Variants in PIK3C2G observed in about 807,000 individuals in gnomAD.
PIK3C2G encodes phosphatidylinositol 3-kinase C2 domain-containing subunit gamma.
PIK3C2G carries 168 observed loss-of-function variants against 181.1 expected under a neutral mutation model. That is an observed-to-expected ratio of 0.93 (90% confidence interval 0.82 to 1.05). The LOEUF (loss-of-function observed/expected upper bound fraction) is 1.05, where lower values mean the gene tolerates loss of function less well. PIK3C2G is among the 50% of genes least tolerant of loss of function. The pLI is 0.00. For synonymous variants in PIK3C2G, 573 were observed against 592.2 expected (o/e 0.97, Z 0.47); for missense variants, 1,869 against 1,732.8 (o/e 1.08, Z -1.40).
chr12:18,509,961 T>A (rs1730132215), intron 24 of PIK3C2G, among the ~76,000 whole-genome samples: 1 of 152,154 alleles, frequency 6.6e-6, no homozygotes, highest in South Asian at 2.1e-4. Flanking sequence ...TTTGAACTAT[T>A]GCCTAATTAT....
intron 13 of PIK3C2G, among the ~76,000 whole-genome samples, chr12:18,381,493 T>A (rs1942830454): frequency 6.6e-6 from 1 of 152,134 alleles, no homozygotes; most frequent in Non-Finnish European, 1.5e-5. Context: ...TAAAAATAAA[T>A]GCTACCCATT....
chr12:18,480,599 A>C (rs1393731788), intron 18 of PIK3C2G, among the ~76,000 whole-genome samples: 1 of 152,118 alleles, frequency 6.6e-6, no homozygotes, highest in African/African-American at 2.4e-5. Context: ...GGGGCAGAAG[A>C]AGCTTTCTGT....
intron 8 of PIK3C2G, among the ~76,000 whole-genome samples, chr12:18,335,398 AC>A (rs1317954451): frequency 2.2e-4 from 33 of 152,152 alleles, no homozygotes; most frequent in African/African-American, 7.7e-4. Flanking sequence ...AATGTCTGCA[AC>A]CCTGAGATTT....
chr12:18,278,605 C>T (rs1565545988), intron 1 of PIK3C2G, among the ~76,000 whole-genome samples: 2 of 152,120 alleles, frequency 1.3e-5, no homozygotes, highest in African/African-American at 4.8e-5. Context: ...TATAGTTCTG[C>T]AGTCTTAGTT....
At chr12:18,606,124 C>T (rs138522329) in intron 30 of PIK3C2G, among the ~76,000 whole-genome samples, 12 of 152,198 alleles carry the variant, frequency 7.9e-5, no homozygotes, top group African/African-American at 1.4e-4. Flanking sequence ...TTCTGAACTC[C>T]GGCATGTTTT....
At chr12:18,286,605 A>G (rs1334594773) in intron 2 of PIK3C2G, among the ~76,000 whole-genome samples, 5 of 152,128 alleles carry the variant, frequency 3.3e-5, no homozygotes, top group Non-Finnish European at 7.4e-5. Flanking sequence ...TCTAAAATGA[A>G]AGAAATGTTC....
chr12:18,309,161 A>G (rs1950540565), intron 5 of PIK3C2G, among the ~76,000 whole-genome samples: 1 of 151,760 alleles, frequency 6.6e-6, no homozygotes. Flanking sequence ...TTTTCACACT[A>G]GGCTATTTAG....
intron 31 of PIK3C2G, among the ~76,000 whole-genome samples, chr12:18,613,131 A>T (rs902533547): frequency 3.9e-5 from 6 of 152,074 alleles, no homozygotes; most frequent in African/African-American, 1.2e-4. Flanking sequence ...GCTCTCTTTC[A>T]TTGATGTCTA....
the PIK3C2G span, among the ~76,000 whole-genome samples, chr12:18,709,914 T>C: frequency 6.6e-6 from 1 of 152,102 alleles, no homozygotes; most frequent in African/African-American, 2.4e-5. Flanking sequence ...GTCATTTTTA[T>C]ACTATTGTAA....
At chr12:18,700,510 T>TCCAA in the PIK3C2G span, among the ~76,000 whole-genome samples, 1 of 2,808 alleles carries the variant, frequency 3.6e-4, no homozygotes, top group African/African-American at 7.3e-4. Context: ...AGAGCCAACG[T>TCCAA]ACAAAAAAAA....
At chr12:18,471,522 T>C (rs998488059) in intron 18 of PIK3C2G, among the ~76,000 whole-genome samples, 22 of 152,164 alleles carry the variant, frequency 1.4e-4, no homozygotes, top group African/African-American at 5.1e-4. Flanking sequence ...GAATAATTCT[T>C]GCTTGTTCTC....
intron 25 of PIK3C2G, among the ~76,000 whole-genome samples, chr12:18,542,725 T>C (rs1948480211): frequency 6.7e-6 from 1 of 149,722 alleles, no homozygotes; most frequent in Admixed American, 6.6e-5. Flanking sequence ...CATGTTCCAG[T>C]AAAAGACATG....
intron 15 of PIK3C2G, among the ~76,000 whole-genome samples, chr12:18,392,976 T>C (rs11044069): frequency 0.13 from 19,491 of 152,120 alleles, 1,283 homozygotes; most frequent in African/African-American, 0.16. Flanking sequence ...AGATGAAGCA[T>C]CTTTTTCTGT....
intron 1 of PIK3C2G, among the ~76,000 whole-genome samples, chr12:18,277,187 A>G (rs929649901): frequency 1.5e-4 from 23 of 152,182 alleles, no homozygotes; most frequent in Admixed American, 2.0e-4. Flanking sequence ...TCTAGTTATT[A>G]TCTTCTCTGA....
the PIK3C2G span, among the ~76,000 whole-genome samples, chr12:18,725,959 C>T: frequency 1.3e-5 from 2 of 151,990 alleles, no homozygotes; most frequent in Non-Finnish European, 2.9e-5. Flanking sequence ...TCTTACAGGC[C>T]TTATTAGATT....
chr12:18,554,791 T>C (rs775388562), intron 26 of PIK3C2G, among the ~76,000 whole-genome samples: 2 of 152,150 alleles, frequency 1.3e-5, no homozygotes, highest in African/African-American at 2.4e-5. Flanking sequence ...GCCGAACTAC[T>C]GATTTTCTTT....
intron 10 of PIK3C2G, among the ~76,000 whole-genome samples, chr12:18,344,564 CTG>C (rs778357669): frequency 5.3e-5 from 8 of 152,010 alleles, no homozygotes; most frequent in Non-Finnish European, 1.2e-4. Flanking sequence ...CTGTATGAAA[CTG>C]ATTCTCCCTT....
chr12:18,361,982 T>G (rs912525487), intron 11 of PIK3C2G, among the ~76,000 whole-genome samples: 4 of 152,106 alleles, frequency 2.6e-5, no homozygotes, highest in East Asian at 1.9e-4. Context: ...ACTTTTTTTT[T>G]TTGTTCTCAA....
At position 18,345,485 on chromosome 12, in the gene PIK3C2G, A is replaced by C. The variant is rs143984101; in HGVS notation, c.1430-1156A>C. On this transcript the variant is annotated intron_variant, in intron 10 of 32. Transcript: ENST00000538779. Reference sequence around the variant, plus strand: ...GAAAAATAGCATGTGTTAAACAACAACAAAAATGTTTAATTATAGACAGAC... The same window carrying C: ...GAAAAATAGCATGTGTTAAACAACACCAAAAATGTTTAATTATAGACAGAC... Among the ~76,000 whole-genome samples, 1,030 of 152,316 alleles carry C rather than the reference A, an allele frequency of 6.8e-3. 12 individuals are homozygous for C. Among genetic ancestry groups the C allele is most frequent in the African/African-American group, 0.024 (992 of 41,578 alleles).
Sources: gnomAD v4.1 joint callset for allele counts (sites outside exome capture counted in the v4.1 genomes callset) on GRCh38, gnomAD v4.1.1 for gene constraint, MANE v1.5 for transcripts, NCBI Gene and HGNC (gene_info 2026-07-23, HGNC 2026-07-21) for gene names.